The following XIRP2 variants were observed in gnomAD, a reference collection of about 807,000 sequenced individuals.
XIRP2 encodes xin actin-binding repeat-containing protein 2.
Under a neutral mutation model 277.0 loss-of-function variants are expected in XIRP2, and 236 were observed. The ratio of observed to expected loss-of-function variants is 0.85; its 90% confidence interval spans 0.77 to 0.95. The LOEUF (loss-of-function observed/expected upper bound fraction) is 0.95, where lower values mean the gene tolerates loss of function less well. Among genes scored for constraint, XIRP2 ranks in the 40% least tolerant of loss-of-function variants. The probability of loss-of-function intolerance (pLI) is 0.00; values close to 1 mark genes in which losing one functional copy is unlikely to be tolerated. For missense variants in XIRP2, 4,640 were observed against 4,157.5 expected, an observed-to-expected ratio of 1.12 and a Z score of -3.19; for synonymous variants, 1,490 against 1,416.5, an observed-to-expected ratio of 1.05 and a Z score of -1.17.
intron 2 of XIRP2, among the ~76,000 whole-genome samples, chr2:167,059,193 G>A (rs868869019): frequency 7.3e-6 from 1 of 137,604 alleles, no homozygotes; most frequent in Non-Finnish European, 1.5e-5. Flanking sequence ...TGCAACCTCC[G>A]ACTACCTTCA....
chr2:167,081,463 C>T (rs1351807864), intron 2 of XIRP2, among the ~76,000 whole-genome samples: 1 of 151,996 alleles, frequency 6.6e-6, no homozygotes, highest in African/African-American at 2.4e-5. Flanking sequence ...GTAAAACTGC[C>T]TCTAAAAAAT....
intron 2 of XIRP2, among the ~76,000 whole-genome samples, chr2:167,018,625 C>T (rs1318534438): frequency 6.6e-6 from 1 of 151,938 alleles, no homozygotes; most frequent in African/African-American, 2.4e-5. Context: ...AATAAGTACC[C>T]CCAGGGCATT....
intron 2 of XIRP2, among the ~76,000 whole-genome samples, chr2:167,118,459 G>A (rs1329153089): frequency 4.9e-5 from 7 of 142,590 alleles, no homozygotes; most frequent in African/African-American, 1.9e-4. Flanking sequence ...TCCAGCCTGG[G>A]CGACACAGCA....
chr2:167,138,142 C>G (rs1256168697), intron 3 of XIRP2, among the ~76,000 whole-genome samples: 1 of 152,174 alleles, frequency 6.6e-6, no homozygotes, highest in Non-Finnish European at 1.5e-5. Context: ...GTGACTGTGA[C>G]AGCCTTATAC....
In XIRP2 at chr2:167,259,556, C is replaced by G; in HGVS notation, c.*1739C>G. On this transcript the variant is annotated 3_prime_UTR_variant, in exon 11 of 11. Transcript: ENST00000409195. ...TTTTTTCACAATTTATTTACATCTACTTTTGTTTGAACTGGAATGAAGAGA... is the reference window on the plus strand; with the variant it reads ...TTTTTTCACAATTTATTTACATCTAGTTTTGTTTGAACTGGAATGAAGAGA... The G allele has an allele frequency of 1.9e-6, 1 of 535,554 alleles. No homozygotes were observed. Among genetic ancestry groups the G allele is most frequent in the Non-Finnish European group, 3.2e-6 (1 of 312,862 alleles). The allele number at this position is 535,554 out of a possible 1,614,324, so 33.2% of individuals were successfully genotyped here. A position where few individuals can be genotyped will look rare whatever the true frequency, so the allele number is the denominator to read the frequency against.
intron 4 of XIRP2, among the ~76,000 whole-genome samples, chr2:167,214,086 GA>G (rs1694146213): frequency 1.1e-5 from 1 of 89,216 alleles, no homozygotes. Flanking sequence ...AAGGAAGGAA[GA>G]AAGAAAGAAG....
intron 2 of XIRP2, among the ~76,000 whole-genome samples, chr2:166,921,123 T>A (rs1344562405): frequency 1.3e-5 from 2 of 152,058 alleles, no homozygotes; most frequent in Non-Finnish European, 1.5e-5. Context: ...ACCACATGCA[T>A]CTCTGCTTTC....
At chr2:167,020,726 T>C (rs1687959989) in intron 2 of XIRP2, among the ~76,000 whole-genome samples, 1 of 152,036 alleles carries the variant, frequency 6.6e-6, no homozygotes, top group African/African-American at 2.4e-5. Context: ...TATATCTCTT[T>C]CTAAATGTCT....
chr2:167,021,834 A>T (rs1027213779), intron 2 of XIRP2, among the ~76,000 whole-genome samples: 22 of 152,018 alleles, frequency 1.4e-4, no homozygotes, highest in Non-Finnish European at 2.5e-4. Context: ...CAAAAATAAA[A>T]TTTTTTTAAA....
At chr2:167,233,062 G>A (rs1694805646) in intron 5 of XIRP2, among the ~76,000 whole-genome samples, 1 of 151,928 alleles carries the variant, frequency 6.6e-6, no homozygotes, top group African/African-American at 2.4e-5. Flanking sequence ...GGAACCCCAG[G>A]AAGTTGTGAT....
chr2:167,136,012 C>T lies in XIRP2; in HGVS notation c.512C>T (p.Thr171Ile). Residue 171 changes from threonine (T) to isoleucine (I), a missense_variant, in exon 3 of 11, where the codon ACA becomes ATA. Coordinates refer to ENST00000409195, the MANE Select transcript of XIRP2 (RefSeq NM_152381.6). The stretch of plus-strand genomic sequence containing the variant: ...GATTCAGACAAGAAAGGCAAGGAAA[C>T]ATCTTTTGACAAGATGTCACCTGAA... ...VKDSDKKGKE[T>I]SFDKMSPESG... The T allele has an allele frequency of 1.9e-6, 3 of 1,611,258 alleles. No homozygotes were observed. The highest frequency in any genetic ancestry group is 2.5e-6 in the Non-Finnish European group (3 of 1,178,864).
chr2:167,093,723 G>T (rs28781286), intron 2 of XIRP2, among the ~76,000 whole-genome samples: 2 of 152,064 alleles, frequency 1.3e-5, no homozygotes, highest in Non-Finnish European at 2.9e-5. Context: ...ACATTGATGG[G>T]CATTTGGGTT....
chr2:167,087,333 C>T (rs913002137), intron 2 of XIRP2, among the ~76,000 whole-genome samples: 1 of 152,158 alleles, frequency 6.6e-6, no homozygotes, highest in Non-Finnish European at 1.5e-5. Flanking sequence ...GGGAGAACCA[C>T]TGCTCTCTTC....
intron 2 of XIRP2, among the ~76,000 whole-genome samples, chr2:166,927,269 A>G (rs1685213238): frequency 6.6e-6 from 1 of 152,138 alleles, no homozygotes; most frequent in South Asian, 2.1e-4. Flanking sequence ...TCCAACTTAA[A>G]TGATGGTAAT....
chr2:166,928,737 A>G (rs1312606984), intron 2 of XIRP2, among the ~76,000 whole-genome samples: 1 of 152,108 alleles, frequency 6.6e-6, no homozygotes, highest in Non-Finnish European at 1.5e-5. Context: ...GCATATTCCA[A>G]TGTTCATACT....
At chr2:166,898,434 C>T (rs1684298300) in intron 1 of XIRP2, among the ~76,000 whole-genome samples, 1 of 152,116 alleles carries the variant, frequency 6.6e-6, no homozygotes, top group Non-Finnish European at 1.5e-5. Flanking sequence ...CCTTCTCCTA[C>T]AATTGGAGTA....
intron 2 of XIRP2, among the ~76,000 whole-genome samples, chr2:167,026,121 T>C (rs1431316726): frequency 6.6e-6 from 1 of 152,168 alleles, no homozygotes; most frequent in Non-Finnish European, 1.5e-5. Flanking sequence ...AGGACTTGCT[T>C]TATGAATCTG....
intron 3 of XIRP2, among the ~76,000 whole-genome samples, chr2:167,168,857 G>C (rs573401105): frequency 2.1e-4 from 32 of 151,984 alleles, no homozygotes; most frequent in Admixed American, 9.2e-4. Context: ...CTCGTGATCC[G>C]CCTGCCTCAG....
At position 167,220,012 on chromosome 2, in the gene XIRP2, A is replaced by C. The variant is rs1008660360; in HGVS notation, c.858+1712A>C. Among the ~76,000 whole-genome samples, 7 of 152,320 alleles carry C rather than the reference A, an allele frequency of 4.6e-5. No homozygotes were observed. The South Asian group carries it at 8.3e-4, about 18-fold the overall frequency. ...GGAAAGGAGATTTGATGTAAGCTCCAGTGGAGTACCAGAGCTGGCTTGTAT... is the reference window on the plus strand; with the variant it reads ...GGAAAGGAGATTTGATGTAAGCTCCCGTGGAGTACCAGAGCTGGCTTGTAT... On this transcript the variant is annotated intron_variant, in intron 5 of 10. Coordinates refer to ENST00000409195, the MANE Select transcript of XIRP2 (RefSeq NM_152381.6).
Sources: gnomAD v4.1 joint callset for allele counts (sites outside exome capture counted in the v4.1 genomes callset) on GRCh38, gnomAD v4.1.1 for gene constraint, MANE v1.5 for transcripts, NCBI Gene and HGNC (gene_info 2026-07-23, HGNC 2026-07-21) for gene names.